The following CACNA1D variants were observed in gnomAD, a reference collection of about 807,000 sequenced individuals.
CACNA1D encodes the protein voltage-dependent L-type calcium channel subunit alpha-1D.
CACNA1D carries 55 observed loss-of-function variants against 257.1 expected under a neutral mutation model. The observed-to-expected ratio is 0.21, with a 90% confidence interval of 0.17 to 0.27. The LOEUF (loss-of-function observed/expected upper bound fraction) is 0.27. CACNA1D is among the 10% of genes least tolerant of loss of function. CACNA1D has a pLI of 1.00. For missense variants in CACNA1D, 1,876 were observed against 2,784.0 expected (o/e 0.67, Z 7.34); for synonymous variants, 980 against 1,014.9 (o/e 0.97, Z 0.65).
chr3:53,501,046 C>T (rs11926234), intron 2 of CACNA1D, among the ~76,000 whole-genome samples: 18,476 of 152,238 alleles, frequency 0.12, 1,492 homozygotes, highest in Non-Finnish European at 0.18. Flanking sequence ...CGCTGCTGAT[C>T]ACATCTGAGG....
intron 3 of CACNA1D, among the ~76,000 whole-genome samples, chr3:53,548,249 A>G (rs1252670854): frequency 6.6e-6 from 1 of 152,112 alleles, no homozygotes; most frequent in Non-Finnish European, 1.5e-5. Context: ...GCACAAAATA[A>G]CTGAAGAAGA....
At chr3:53,735,192 C>G (rs1167546580) in intron 19 of CACNA1D, among the ~76,000 whole-genome samples, 182 bp from the exon 20 acceptor site, 2 of 152,228 alleles carry the variant, frequency 1.3e-5, no homozygotes, top group African/African-American at 2.4e-5. Flanking sequence ...CACAGGTTGC[C>G]TTTGGTGGGC....
chr3:53,556,413 G>A (rs1051595535), intron 3 of CACNA1D, among the ~76,000 whole-genome samples: 2 of 152,120 alleles, frequency 1.3e-5, no homozygotes, highest in Non-Finnish European at 1.5e-5. Context: ...ACACTTAATC[G>A]TGTCAGTACT....
intron 8 of CACNA1D, among the ~76,000 whole-genome samples, chr3:53,688,645 C>T (rs1393270790): frequency 6.6e-6 from 1 of 152,222 alleles, no homozygotes; most frequent in Non-Finnish European, 1.5e-5. Context: ...CTGCACTTCT[C>T]TCCAGGGCCT....
chr3:53,665,870 C>A, intron 6 of CACNA1D, 58 bp downstream of exon 6: 1 of 1,386,268 alleles, frequency 7.2e-7, no homozygotes, highest in Non-Finnish European at 1.0e-6. Context: ...TTCCCCAAAG[C>A]AACTTTCATG....
In CACNA1D at chr3:53,774,279, C is replaced by T. The variant is rs2095383614; in HGVS notation, c.4111-308C>T. On this transcript the variant is annotated intron_variant, in intron 33 of 47. Transcript: ENST00000350061. The surrounding 1 kb of genome is among the most constrained non-coding windows in gnomAD (Gnocchi z 4.3). ...AGTAGATGAGCCTGTCTCACGCTTC[C>T]CTGTGTGTCTGGACCACCCCAGCAT... The T allele has an allele frequency of 5.3e-6, 2 of 376,202 alleles. No individual in the cohort carries two copies. Among genetic ancestry groups the T allele is most frequent in the African/African-American group, 2.1e-5 (1 of 48,250 alleles). 23.3% of individuals were successfully genotyped at this position (376,202 alleles called of 1,614,324 possible).
chr3:53,780,510 T>C (rs2095420146), intron 38 of CACNA1D, among the ~76,000 whole-genome samples: 2 of 152,198 alleles, frequency 1.3e-5, no homozygotes, highest in Non-Finnish European at 2.9e-5. Flanking sequence ...GTAGTTTCTT[T>C]CCCTATGAAA....
At chr3:53,780,813 T>G (rs1296559191) in intron 38 of CACNA1D, among the ~76,000 whole-genome samples, 1 of 151,002 alleles carries the variant, frequency 6.6e-6, no homozygotes, top group African/African-American at 2.4e-5. Context: ...TGGGGGGAGG[T>G]GGGAGGTGGA....
chr3:53,708,534 G>T (rs1360712439), intron 9 of CACNA1D, among the ~76,000 whole-genome samples: 2 of 152,288 alleles, frequency 1.3e-5, no homozygotes, highest in East Asian at 3.9e-4. Context: ...AGAAAGCAGT[G>T]GTAATTTCTA....
chr3:53,698,384 A>G (rs1027871774), intron 8 of CACNA1D, among the ~76,000 whole-genome samples: 9 of 152,208 alleles, frequency 5.9e-5, no homozygotes, highest in African/African-American at 1.9e-4. Flanking sequence ...AGCTACTGAA[A>G]AGAGTTCAGC....
In CACNA1D at chr3:53,726,567, G is replaced by T. The variant is rs112942905; in HGVS notation, c.2101-312G>T. On this transcript the variant is annotated intron_variant, in intron 14 of 47. Coordinates refer to ENST00000350061, the MANE Select transcript of CACNA1D (RefSeq NM_001128840.3). ...CAGGAGAGTTGCTTGAACCGGGGAG[G>T]TGGAGGTTGCAGTGAGCTGAGATCA... Among the ~76,000 whole-genome samples, 1,188 of 152,304 alleles carry T rather than the reference G, an allele frequency of 7.8e-3. 20 individuals are homozygous for T. The highest frequency in any genetic ancestry group is 0.027 in the African/African-American group (1,133 of 41,562).
intron 8 of CACNA1D, among the ~76,000 whole-genome samples, chr3:53,692,389 G>T (rs183295327): frequency 7.0e-4 from 106 of 152,310 alleles, no homozygotes; most frequent in African/African-American, 2.2e-3. Flanking sequence ...GCAGGCAACA[G>T]CATGCACAGT....
At chr3:53,519,079 C>G (rs1320013599) in intron 3 of CACNA1D, among the ~76,000 whole-genome samples, 1 of 152,186 alleles carries the variant, frequency 6.6e-6, no homozygotes, top group African/African-American at 2.4e-5. Context: ...TTTTTAGAAG[C>G]CTTCCTCACT....
At chr3:53,791,494 T>G (rs2095482684) in intron 40 of CACNA1D, 1 of 155,440 alleles carries the variant, frequency 6.4e-6, no homozygotes, top group Non-Finnish European at 1.4e-5. Context: ...ATCCCTAGTT[T>G]GCCCGAACTC....
At chr3:53,589,420 C>T (rs554360451) in intron 3 of CACNA1D, among the ~76,000 whole-genome samples, 4 of 152,170 alleles carry the variant, frequency 2.6e-5, no homozygotes, top group South Asian at 2.1e-4. Flanking sequence ...GACGAACTCC[C>T]GCCAAGAGGA....
chr3:53,745,315 A>G (rs902481382), intron 23 of CACNA1D, among the ~76,000 whole-genome samples: 3 of 148,808 alleles, frequency 2.0e-5, no homozygotes, highest in African/African-American at 7.5e-5. Flanking sequence ...ATCTCGGCTC[A>G]CTACAACCTC....
Position 53,746,396 on chromosome 3 carries a change from C to T in CACNA1D, c.3167+521C>T, listed in dbSNP as rs3856933. ...TTGGCCATATTTCCATAGACAAGAA[C>T]TGGCAGAGGAGAGACAAGGTGGGAG... On this transcript the variant is annotated intron_variant, in intron 25 of 47. Transcript: ENST00000350061. Among the ~76,000 whole-genome samples, 497 of 152,280 alleles carry T rather than the reference C, an allele frequency of 3.3e-3. 4 individuals are homozygous for T. The highest frequency in any genetic ancestry group is 0.011 in the African/African-American group (456 of 41,558).
intron 32 of CACNA1D, among the ~76,000 whole-genome samples, chr3:53,771,257 G>A (rs889414563): frequency 6.6e-6 from 1 of 152,148 alleles, no homozygotes; most frequent in Non-Finnish European, 1.5e-5. Flanking sequence ...GGGAATTTGT[G>A]GATATCTACA....
intron 3 of CACNA1D, among the ~76,000 whole-genome samples, chr3:53,635,707 C>T (rs899870625): frequency 2.0e-5 from 3 of 152,164 alleles, no homozygotes; most frequent in Admixed American, 6.5e-5. Context: ...CAGTTTGGTG[C>T]TTTTTCCTAC....
Sources: gnomAD v4.1 joint callset for allele counts (sites outside exome capture counted in the v4.1 genomes callset) on GRCh38, gnomAD v4.1.1 for gene constraint, Gnocchi (gnomAD v3.1) non-coding constraint, MANE v1.5 for transcripts, NCBI Gene and HGNC (gene_info 2026-07-23, HGNC 2026-07-21) for gene names.